Variants in ABL1 observed in about 807,000 individuals in gnomAD.
The protein encoded by ABL1 is ABL proto-oncogene 1, non-receptor tyrosine kinase.
A neutral mutation model predicts 94.7 loss-of-function variants in ABL1; 11 were observed. That is an observed-to-expected ratio of 0.12 (90% CI 0.07 to 0.19). The LOEUF (loss-of-function observed/expected upper bound fraction) is 0.19. Ranked by LOEUF, ABL1 falls within the 10% of genes least tolerant of loss-of-function variation. The pLI, the probability that ABL1 is intolerant of heterozygous loss-of-function variation, is 1.00. For synonymous variants in ABL1, 656 were observed against 622.4 expected (o/e 1.05, Z -0.80); for missense variants, 1,082 against 1,489.4 (o/e 0.73, Z 4.50).
chr9:130,754,314 C>G (rs1165115569), intron 1 of ABL1, among the ~76,000 whole-genome samples: 2 of 151,440 alleles, frequency 1.3e-5, no homozygotes, highest in African/African-American at 4.9e-5. Flanking sequence ...CGAGACCATC[C>G]TGGCTAACAT....
chr9:130,809,405 AGAGAGAGAGAGAGT>A (rs1270719128), intron 1 of ABL1, among the ~76,000 whole-genome samples: 88 of 121,876 alleles, frequency 7.2e-4, no homozygotes, highest in South Asian at 3.5e-3. Flanking sequence ...AGAGAGAGAG[AGAGAGAGAGAGAGT>A]GTGTGTGTGT....
At position 130,835,605 on chromosome 9, in the gene ABL1, C is replaced by T. The variant is rs1830561670; in HGVS notation, c.79+80C>T. Reference sequence around the variant, plus strand: ...CTGGGCCCTTCCTAGGCCTCGCCGCCCGCGCGCTCCCGCCTGCGCCCTCCC... The same window carrying T: ...CTGGGCCCTTCCTAGGCCTCGCCGCTCGCGCGCTCCCGCCTGCGCCCTCCC... On this transcript the variant is annotated intron_variant, in intron 1 of 10. Transcript: ENST00000318560. This position sits in a 1 kb window ranked among gnomAD's most constrained non-coding sequence, Gnocchi z 4.6. 1.7e-6 allele frequency: 2 copies of T among 1,178,640 alleles called. No homozygotes were observed. The highest frequency in any genetic ancestry group is 2.7e-5 in the South Asian group (2 of 75,118). 73.0% of individuals were successfully genotyped at this position (1,178,640 alleles called of 1,614,324 possible). A position where few individuals can be genotyped will look rare whatever the true frequency, so the allele number is the denominator to read the frequency against.
At chr9:130,720,335 C>G (rs1294431581) in intron 1 of ABL1, among the ~76,000 whole-genome samples, 1 of 152,066 alleles carries the variant, frequency 6.6e-6, no homozygotes, top group Non-Finnish European at 1.5e-5. Context: ...CTAGAGAGGC[C>G]TGACTGAGAG....
chr9:130,880,434 C>T lies in ABL1; in HGVS notation c.1514-66C>T. 6.4e-7 allele frequency: 1 copy of T among 1,573,630 alleles called. No homozygotes were observed. Reference sequence around the variant, plus strand: ...TTACCTTACAAAGAAAGAGAACCACCACACCAAGCCAACACCAGTACTGAT... The same window carrying T: ...TTACCTTACAAAGAAAGAGAACCACTACACCAAGCCAACACCAGTACTGAT... On this transcript the variant is annotated intron_variant, in intron 9 of 10. Transcript: ENST00000318560. This position sits in a 1 kb window ranked among gnomAD's most constrained non-coding sequence, Gnocchi z 4.4.
Position 130,887,033 on chromosome 9 carries a change from G to A in ABL1, c.*1350G>A, listed in dbSNP as rs369848737. ...CTTCTCCCCGAGGCTGCCCCAGGCC[G>A]GAGCCCAGATACGGGGGCTGTGACT... On this transcript the variant is annotated 3_prime_UTR_variant, in exon 11 of 11. Coordinates refer to ENST00000318560, the MANE Select transcript of ABL1 (RefSeq NM_005157.6). 2.2e-4 allele frequency: 52 copies of A among 232,984 alleles called. 1 individual carries two copies. In the Middle Eastern group the frequency reaches 3.8e-3, roughly 17 times the overall value. The allele number at this position is 232,984 out of a possible 1,614,324, so 14.4% of individuals were successfully genotyped here. A position where few individuals can be genotyped will look rare whatever the true frequency, so the allele number is the denominator to read the frequency against.
intron 1 of ABL1, among the ~76,000 whole-genome samples, chr9:130,788,593 A>C (rs370661345): frequency 3.3e-5 from 5 of 152,272 alleles, no homozygotes; most frequent in East Asian, 1.9e-4. Flanking sequence ...TGGGTGTAGG[A>C]TCCAGTCCTG....
intron 1 of ABL1, among the ~76,000 whole-genome samples, chr9:130,734,182 T>C (rs1831704006): frequency 6.6e-6 from 1 of 152,002 alleles, no homozygotes; most frequent in Non-Finnish European, 1.5e-5. Flanking sequence ...TTTTTCACAA[T>C]TTCGTGGTAT....
chr9:130,885,650 G>A lies in ABL1; in HGVS notation c.3360G>A (p.Ser1120=), dbSNP rs148391456. The A allele has an allele frequency of 2.5e-5, 40 of 1,612,688 alleles. No homozygotes were observed. The highest frequency in any genetic ancestry group is 1.5e-4 in the South Asian group (14 of 91,038). The part of the protein sequence containing the change: ...ATQDFSKLLS[S]VKEISDIVQR Reference sequence around the variant, plus strand: ...AGGACTTCAGCAAGCTCCTCAGTTCGGTGAAGGAAATCAGTGACATAGTGC... The same window carrying A: ...AGGACTTCAGCAAGCTCCTCAGTTCAGTGAAGGAAATCAGTGACATAGTGC... Residue 1120 remains serine, a synonymous_variant, in exon 11 of 11, where the codon TCG becomes TCA. Transcript: ENST00000318560.
chr9:130,850,712 G>T (rs1830843393), intron 1 of ABL1, among the ~76,000 whole-genome samples: 1 of 151,436 alleles, frequency 6.6e-6, no homozygotes, highest in South Asian at 2.1e-4. Context: ...TCGCTATGTT[G>T]GCCAGCATGG....
chr9:130,825,108 G>A (rs944803279), intron 1 of ABL1, among the ~76,000 whole-genome samples: 1 of 152,166 alleles, frequency 6.6e-6, no homozygotes, highest in African/African-American at 2.4e-5. Flanking sequence ...ATGGGGTACA[G>A]CTCTAGGCTG....
chr9:130,802,269 T>G (rs1830066025), intron 1 of ABL1, among the ~76,000 whole-genome samples: 1 of 152,030 alleles, frequency 6.6e-6, no homozygotes, highest in Non-Finnish European at 1.5e-5. Context: ...AATTTTTTGA[T>G]TTTTACTAGA....
At chr9:130,825,592 A>C (rs1830415165) in intron 1 of ABL1, among the ~76,000 whole-genome samples, 1 of 152,254 alleles carries the variant, frequency 6.6e-6, no homozygotes, top group African/African-American at 2.4e-5. Context: ...CTATTGCAAC[A>C]AAGCTGTAAC....
chr9:130,865,999 T>C (rs143230301), intron 4 of ABL1, among the ~76,000 whole-genome samples: 1 of 152,172 alleles, frequency 6.6e-6, no homozygotes, highest in African/African-American at 2.4e-5. Context: ...TCAGAGGAAA[T>C]GCATACTGGA....
intron 4 of ABL1, among the ~76,000 whole-genome samples, chr9:130,866,560 A>AGGG (rs968322900): frequency 8.5e-5 from 13 of 152,074 alleles, no homozygotes; most frequent in Admixed American, 5.2e-4. Context: ...TTTTGCCAGC[A>AGGG]GGGGGAGCAA....
At chr9:130,719,885 T>C (rs1831494251) in intron 1 of ABL1, among the ~76,000 whole-genome samples, 1 of 152,150 alleles carries the variant, frequency 6.6e-6, no homozygotes, top group East Asian at 1.9e-4. Flanking sequence ...ATGGCAACTT[T>C]TTGCCAGAAT....
In ABL1 at chr9:130,885,379, G is replaced by A. The variant is rs1831557792; in HGVS notation, c.3089G>A (p.Gly1030Asp). 6.2e-7 allele frequency: 1 copy of A among 1,613,700 alleles called. No individual in the cohort carries two copies. Among genetic ancestry groups the A allele is most frequent in the Non-Finnish European group, 8.5e-7 (1 of 1,180,042 alleles). Residue 1030 changes from glycine (G) to aspartate (D), a missense_variant, in exon 11 of 11, where the codon GGC becomes GAC. Around this residue, in one of 7 missense-constraint regions of ABL1, gnomAD observed 780 missense variants for 835.8 expected, o/e 0.93. Coordinates refer to ENST00000318560, the MANE Select transcript of ABL1 (RefSeq NM_005157.6). ...ATCGCCAGCGGCGCCATCACCAAGG[G>A]CGTGGTCCTGGACAGCACCGAGGCG... ...ERIASGAITK[G>D]VVLDSTEALC...
chr9:130,870,052 G>C (rs1191905932), intron 4 of ABL1, among the ~76,000 whole-genome samples: 1 of 152,192 alleles, frequency 6.6e-6, no homozygotes, highest in Non-Finnish European at 1.5e-5. Context: ...CCGGAACTCA[G>C]GTGATCCACC....
At chr9:130,757,619 A>G (rs891023473) in intron 1 of ABL1, among the ~76,000 whole-genome samples, 4 of 137,610 alleles carry the variant, frequency 2.9e-5, no homozygotes, top group Non-Finnish European at 6.2e-5. Context: ...GCTCACTGCA[A>G]CCTCCGCCTC....
intron 1 of ABL1, among the ~76,000 whole-genome samples, chr9:130,733,703 C>T (rs552604819): frequency 3.3e-5 from 5 of 151,676 alleles, no homozygotes; most frequent in East Asian, 2.0e-4. Flanking sequence ...CTCAGCCTCC[C>T]GAGTAGCTGG....
Sources: gnomAD v4.1 joint callset for allele counts (sites outside exome capture counted in the v4.1 genomes callset) on GRCh38, gnomAD v4.1.1 for gene constraint, gnomAD v4.1.1 regional missense constraint, Gnocchi (gnomAD v3.1) non-coding constraint, MANE v1.5 for transcripts, NCBI Gene and HGNC (gene_info 2026-07-23, HGNC 2026-07-21) for gene names.